Variants in SHTN1 observed in about 807,000 individuals in gnomAD.
SHTN1 encodes shootin-1.
SHTN1 carries 42 observed loss-of-function variants against 83.1 expected under a neutral mutation model. The ratio of observed to expected loss-of-function variants is 0.51; its 90% CI spans 0.39 to 0.65. The LOEUF (loss-of-function observed/expected upper bound fraction) is 0.65, where lower values mean the gene tolerates loss of function less well. Among genes scored for constraint, SHTN1 ranks in the 30% least tolerant of loss-of-function variants. SHTN1 has a pLI of 0.00. For synonymous variants in SHTN1, 224 were observed against 247.7 expected, an observed-to-expected ratio of 0.90 and a Z score of 0.90; for missense variants, 622 against 737.8, an observed-to-expected ratio of 0.84 and a Z score of 1.82.
At chr10:116,943,990 C>T (rs554683164) in intron 8 of SHTN1, among the ~76,000 whole-genome samples, 1 of 152,224 alleles carries the variant, frequency 6.6e-6, no homozygotes, top group South Asian at 2.1e-4. Flanking sequence ...ACAAGAGATT[C>T]AAAGCTGATC....
At position 117,097,028 on chromosome 10, in the gene SHTN1, TAG is replaced by T. The variant is rs1208331881; in HGVS notation, c.-189+29277_-189+29278del. 2.4e-3 allele frequency among the ~76,000 whole-genome samples: 234 copies of T among 98,522 alleles called. 1 individual carries two copies. The highest frequency in any genetic ancestry group is 7.2e-3 in the African/African-American group (194 of 26,980). 64.6% of individuals were successfully genotyped at this position (98,522 alleles called of 152,430 possible). A position where few individuals can be genotyped will look rare whatever the true frequency, so the allele number is the denominator to read the frequency against. On this transcript the variant is annotated intron_variant, in intron 1 of 17. Transcript: ENST00000392901. ...GCACGCGCGCGCACACACACACACA[TAG>T]ACACACACACACACACACACACACA...
At chr10:116,914,380 G>A (rs1347825942) in intron 13 of SHTN1, among the ~76,000 whole-genome samples, 2 of 152,048 alleles carry the variant, frequency 1.3e-5, no homozygotes, top group Non-Finnish European at 2.9e-5. Flanking sequence ...GCTGAGGCAG[G>A]AGAATCGCTT....
upstream of SHTN1, chr10:117,005,710 G>T: frequency 2.6e-6 from 1 of 384,478 alleles, no homozygotes; most frequent in Non-Finnish European, 3.6e-6. Context: ...GACAAGGATC[G>T]AATCAGGCCG....
At chr10:117,050,750 A>G in intron 1 of SHTN1, among the ~76,000 whole-genome samples, 1 of 152,128 alleles carries the variant, frequency 6.6e-6, no homozygotes, top group Admixed American at 6.6e-5. Flanking sequence ...GAAACTGAGA[A>G]CAGGCTGGGC....
chr10:116,963,087 T>C (rs1850250398), intron 3 of SHTN1, among the ~76,000 whole-genome samples: 1 of 97,516 alleles, frequency 1.0e-5, no homozygotes, highest in East Asian at 3.3e-4. Context: ...TTTTTTTTTT[T>C]TTGAGACGGA....
intron 1 of SHTN1, among the ~76,000 whole-genome samples, chr10:117,105,982 C>T (rs1239554669): frequency 6.6e-6 from 1 of 151,928 alleles, no homozygotes; most frequent in Non-Finnish European, 1.5e-5. Context: ...CCACTGCACT[C>T]CAGCCTGGGC....
In SHTN1 at chr10:117,112,499, TTACAAA is replaced by T. The variant is rs560555422; in HGVS notation, c.-189+13802_-189+13807del. Among the ~76,000 whole-genome samples the T allele has an allele frequency of 1.6e-4, 24 of 152,334 alleles. No homozygotes were observed. In the East Asian group the frequency reaches 4.4e-3, roughly 28 times the overall value. On this transcript the variant is annotated intron_variant, in intron 1 of 17. Transcript: ENST00000392901. ...TTAAGACCTTACAACGCTTTAAAAT[TTACAAA>T]TACATTACAATAACCATTGTTTCAT...
At chr10:116,902,058 A>T in intron 15 of SHTN1, 101 bp from the exon 16 acceptor site, 1 of 1,062,450 alleles carries the variant, frequency 9.4e-7, no homozygotes, top group Admixed American at 3.5e-5. Flanking sequence ...AGAAGTGAAA[A>T]GGCCAAGTTT....
intron 2 of SHTN1, among the ~76,000 whole-genome samples, chr10:117,015,935 T>TTA (rs936187464): frequency 6.6e-6 from 1 of 152,242 alleles, no homozygotes; most frequent in African/African-American, 2.4e-5. Context: ...TTGAAAGATG[T>TTA]TATGCTATTT....
chr10:116,912,796 A>C (rs1262096690), intron 13 of SHTN1, among the ~76,000 whole-genome samples: 1 of 152,138 alleles, frequency 6.6e-6, no homozygotes, highest in Non-Finnish European at 1.5e-5. Flanking sequence ...TTATTCCTGG[A>C]AAAGAGGTAA....
intron 15 of SHTN1, among the ~76,000 whole-genome samples, chr10:116,902,932 G>T (rs1291059618): frequency 6.6e-6 from 1 of 152,180 alleles, no homozygotes; most frequent in Admixed American, 6.5e-5. Context: ...CTGACCATTG[G>T]TATTAAGCTC....
chr10:117,021,915 A>G (rs931552921), intron 2 of SHTN1, among the ~76,000 whole-genome samples: 1 of 152,228 alleles, frequency 6.6e-6, no homozygotes, highest in African/African-American at 2.4e-5. Context: ...TGCTGTGAAG[A>G]TATTTTGTAA....
At position 117,069,906 on chromosome 10, in the gene SHTN1, T is replaced by C. The variant is rs1343514823; in HGVS notation, c.-188-21396A>G. 9.2e-5 allele frequency among the ~76,000 whole-genome samples: 14 copies of C among 152,322 alleles called. 1 individual carries two copies. ...GCCCTGTTATATCTAGCCAACAGAT[T>C]GTACATATTACAAAGGCAAATGTAA... On this transcript the variant is annotated intron_variant, in intron 1 of 17. Transcript: ENST00000392901.
chr10:117,101,049 T>C (rs1410117412), intron 1 of SHTN1, among the ~76,000 whole-genome samples: 1 of 152,204 alleles, frequency 6.6e-6, no homozygotes, highest in Non-Finnish European at 1.5e-5. Flanking sequence ...TGAAGGATTT[T>C]AAGTGACATA....
chr10:116,954,064 T>C lies in SHTN1; in HGVS notation c.414A>G (p.Val138=), dbSNP rs769667857. 7.4e-6 allele frequency: 12 copies of C among 1,612,394 alleles called. No homozygotes were observed. In the South Asian group the frequency reaches 1.3e-4, roughly 18 times the overall value. The change falls in exon 5 of 17, where the codon GTA becomes GTG. Residue 138 remains valine, a synonymous_variant. Transcript: ENST00000355371. The part of the protein sequence containing the change: ...TDGAAETCVS[V]QCQKQIKELR... ...TACCTTTAATTTGCTTCTGACACTG[T>C]ACTGAGACACAAGTCTCGGCGGCAC...
chr10:116,991,080 G>C (rs922629592), intron 1 of SHTN1, among the ~76,000 whole-genome samples: 56 of 152,114 alleles, frequency 3.7e-4, no homozygotes, highest in African/African-American at 1.3e-3. Context: ...CAGCTACTCT[G>C]GAGGCTGAGG....
chr10:116,970,464 C>T (rs1850575090), intron 2 of SHTN1, among the ~76,000 whole-genome samples: 1 of 152,020 alleles, frequency 6.6e-6, no homozygotes, highest in Non-Finnish European at 1.5e-5. Context: ...GTCGGTAATC[C>T]CAGCACTTTG....
At chr10:117,079,383 T>C in intron 1 of SHTN1, among the ~76,000 whole-genome samples, 1 of 133,630 alleles carries the variant, frequency 7.5e-6, no homozygotes, top group East Asian at 2.2e-4. Context: ...TTTTTATGGC[T>C]GCATAGTATT....
intron 1 of SHTN1, among the ~76,000 whole-genome samples, chr10:117,121,364 G>A (rs1853924449): frequency 6.6e-6 from 1 of 151,546 alleles, no homozygotes; most frequent in African/African-American, 2.4e-5. Flanking sequence ...GATTACCTGA[G>A]GTCAGGAGTT....
Sources: allele counts gnomAD v4.1 joint callset (sites outside exome capture counted in the v4.1 genomes callset), GRCh38; gene constraint gnomAD v4.1.1; transcripts MANE v1.5; gene names NCBI Gene and HGNC (gene_info 2026-07-23, HGNC 2026-07-21).